Variants in ZNF280D observed in about 807,000 individuals in gnomAD.
The protein encoded by ZNF280D is suppressor of hairy wing homolog 4.
ZNF280D carries 39 observed loss-of-function variants against 94.7 expected under a neutral mutation model. The observed-to-expected ratio is 0.41, with a 90% confidence interval of 0.32 to 0.54. The LOEUF (loss-of-function observed/expected upper bound fraction) is 0.54. Among genes scored for constraint, ZNF280D ranks in the 20% least tolerant of loss-of-function variants. The pLI is 0.22. For missense variants in ZNF280D, 1,090 were observed against 1,149.3 expected, an observed-to-expected ratio of 0.95 and a Z score of 0.75; for synonymous variants, 398 against 377.6, an observed-to-expected ratio of 1.05 and a Z score of -0.63.
At position 56,718,917 on chromosome 15, in the gene ZNF280D, A is replaced by G. The variant is rs139726446; in HGVS notation, c.-85-11611T>C. 1.7e-3 allele frequency among the ~76,000 whole-genome samples: 254 copies of G among 152,314 alleles called. 1 individual carries two copies. The highest frequency in any genetic ancestry group is 5.8e-3 in the African/African-American group (240 of 41,570). ...CTATTTTAACACCATTTCTTGAAAT[A>G]TCATGCTCAGTAATTTTCTATACAC... On this transcript the variant is annotated intron_variant, in intron 1 of 21. Coordinates refer to ENST00000267807, the MANE Select transcript of ZNF280D (RefSeq NM_017661.4).
At chr15:56,645,811 T>C (rs2052857171) in intron 19 of ZNF280D, among the ~76,000 whole-genome samples, 1 of 152,148 alleles carries the variant, frequency 6.6e-6, no homozygotes, top group South Asian at 2.1e-4. Flanking sequence ...CCTTCCAAAG[T>C]GCTGGGATTA....
rs1417835166 is a variant in ZNF280D at position 56,652,879 on chromosome 15, T to C, written c.2213+1319A>G. ...TCTACAAATAGGCAGCTACACAAAA[T>C]CTGTAGAGAATTCTAAGAAATCTCT... On this transcript the variant is annotated intron_variant, in intron 19 of 21. Coordinates refer to ENST00000267807, the MANE Select transcript of ZNF280D (RefSeq NM_017661.4). 4 of 983,844 alleles carry C rather than the reference T, an allele frequency of 4.1e-6. No homozygotes were observed. In the African/African-American group the frequency reaches 7.0e-5, roughly 17 times the overall value. 60.9% of individuals were successfully genotyped at this position (983,844 alleles called of 1,614,324 possible). A position where few individuals can be genotyped will look rare whatever the true frequency, so the allele number is the denominator to read the frequency against.
Position 56,700,988 on chromosome 15 carries a change from T to C in ZNF280D, c.326A>G (p.His109Arg). ...ACTATCTGAAGATCTAGACTCAGGATGAAAATTTATTGGTGAGGCAGGCAC... is the reference window on the plus strand; with the variant it reads ...ACTATCTGAAGATCTAGACTCAGGACGAAAATTTATTGGTGAGGCAGGCAC... ...NPVPASPINF[H>R]PESRSSDSSV... Residue 109 changes from histidine to arginine, a missense_variant, in exon 6 of 22, where the codon CAT becomes CGT. Physicochemically the swap from His to Arg is conservative, Grantham distance 29. Around this residue, in one of 3 missense-constraint regions of ZNF280D, gnomAD observed 386 missense variants for 372.0 expected, o/e 1.04. Transcript: ENST00000267807. 2 of 1,613,946 alleles carry C rather than the reference T, an allele frequency of 1.2e-6. No individual in the cohort carries two copies. Among genetic ancestry groups the C allele is most frequent in the South Asian group, 2.2e-5 (2 of 91,072 alleles).
chr15:56,724,209 T>A (rs1239809859), intron 1 of ZNF280D, among the ~76,000 whole-genome samples: 1 of 152,266 alleles, frequency 6.6e-6, no homozygotes, highest in African/African-American at 2.4e-5. Flanking sequence ...GGGGACTGTC[T>A]GTACTTGGTC....
At chr15:56,653,479 C>T in intron 19 of ZNF280D, 4 of 1,507,470 alleles carry the variant, frequency 2.7e-6, no homozygotes, top group Non-Finnish European at 3.5e-6. Context: ...GAGCAGGTCC[C>T]ACAGTCAAAT....
chr15:56,683,988 A>C (rs1217996256), intron 9 of ZNF280D, among the ~76,000 whole-genome samples: 1 of 152,212 alleles, frequency 6.6e-6, no homozygotes, highest in Non-Finnish European at 1.5e-5. Context: ...AAGGTGAAAC[A>C]CATATTCTGA....
intron 1 of ZNF280D, chr15:56,729,877 G>C (rs1013677220): frequency 3.3e-5 from 5 of 152,142 alleles, no homozygotes; most frequent in African/African-American, 1.2e-4. Flanking sequence ...TATGCAAAGC[G>C]TTCAAATGTG....
chr15:56,632,167 G>A, intron 21 of ZNF280D, 45 bp from the exon 22 acceptor site: 1 of 1,426,036 alleles, frequency 7.0e-7, no homozygotes, highest in Non-Finnish European at 9.3e-7. Flanking sequence ...ATAAAGCAAT[G>A]TTTTTGAACA....
At chr15:56,680,622 G>A (rs1293687252) in intron 10 of ZNF280D, among the ~76,000 whole-genome samples, 1 of 148,518 alleles carries the variant, frequency 6.7e-6, no homozygotes, top group Admixed American at 6.6e-5. Context: ...GACTACAGGT[G>A]CACGTCACCA....
At position 56,676,701 on chromosome 15, in the gene ZNF280D, G is replaced by A. The variant is rs1942189941; in HGVS notation, c.1379C>T (p.Thr460Ile). The A allele has an allele frequency of 6.2e-7, 1 of 1,612,506 alleles. No individual in the cohort carries two copies. The highest frequency in any genetic ancestry group is 8.5e-7 in the Non-Finnish European group (1 of 1,179,084). ...CTTCATATAATGATGCATATATGGT[G>A]TTGCAATTTTAATAACTTTGAGGCA... ...PFCLKVIKIA[T>I]PYMHHYMKHQ... The change falls in exon 13 of 22, where the codon ACA becomes ATA. Residue 460 changes from threonine to isoleucine, a missense_variant. Thr to Ile is a moderately conservative substitution (Grantham distance 89). Transcript: ENST00000267807.
At chr15:56,640,154 T>G (rs567007248) in intron 20 of ZNF280D, among the ~76,000 whole-genome samples, 2 of 152,182 alleles carry the variant, frequency 1.3e-5, no homozygotes, top group Non-Finnish European at 2.9e-5. Flanking sequence ...GGGTACTTTC[T>G]GGCTCAGCAT....
intron 1 of ZNF280D, chr15:56,724,842 T>C (rs1722250925): frequency 2.2e-6 from 1 of 452,286 alleles, no homozygotes; most frequent in Admixed American, 2.4e-5. Context: ...AATTTTCTTA[T>C]TTACCTTTTT....
At chr15:56,682,162 T>C (rs564059434) in intron 10 of ZNF280D, 92 bp downstream of exon 10, 2 of 903,990 alleles carry the variant, frequency 2.2e-6, no homozygotes, top group East Asian at 5.7e-5. Flanking sequence ...ATCACTTACC[T>C]AGAATGGCAT....
chr15:56,678,514 T>C, intron 11 of ZNF280D, 150 bp downstream of exon 11: 1 of 563,474 alleles, frequency 1.8e-6, no homozygotes, highest in East Asian at 3.2e-5. Context: ...TAAAAGTTTA[T>C]CACAGTTAAA....
At chr15:56,683,990 A>C (rs755781885) in intron 9 of ZNF280D, among the ~76,000 whole-genome samples, 23 of 152,236 alleles carry the variant, frequency 1.5e-4, no homozygotes, top group Non-Finnish European at 4.4e-5. Context: ...GGTGAAACAC[A>C]TATTCTGAAT....
intron 6 of ZNF280D, chr15:56,700,499 A>T (rs1299241889): frequency 1.0e-6 from 1 of 1,001,940 alleles, no homozygotes; most frequent in Non-Finnish European, 1.2e-6. Flanking sequence ...AGTTTTTTGT[A>T]ATAGGAAAAA....
At chr15:56,643,108 T>C in intron 19 of ZNF280D, 111 bp from the exon 20 acceptor site, 1 of 650,410 alleles carries the variant, frequency 1.5e-6, no homozygotes. Flanking sequence ...TCGAAACTAA[T>C]GTACATTTTA....
chr15:56,721,679 G>T (rs1170866781), intron 1 of ZNF280D, among the ~76,000 whole-genome samples: 1 of 152,154 alleles, frequency 6.6e-6, no homozygotes, highest in Non-Finnish European at 1.5e-5. Context: ...CACTCTCACA[G>T]CCTTCATAGA....
chr15:56,669,888 T>TATATATATATATAATATATATATATTA (rs371784062), intron 13 of ZNF280D, among the ~76,000 whole-genome samples: 1 of 4,768 alleles, frequency 2.1e-4, no homozygotes, highest in Non-Finnish European at 4.7e-4. Context: ...TATATATATA[T>TATATATATATATAATATATATATATTA]TATATATATA....
Sources: gnomAD v4.1 joint callset for allele counts (sites outside exome capture counted in the v4.1 genomes callset) on GRCh38, gnomAD v4.1.1 for gene constraint, gnomAD v4.1.1 regional missense constraint, MANE v1.5 for transcripts, NCBI Gene and HGNC (gene_info 2026-07-23, HGNC 2026-07-21) for gene names.